AKAP6: variants seen among roughly 807,000 people sequenced by gnomAD.
AKAP6 encodes A-kinase anchoring protein 6.
Under a neutral mutation model 188.5 loss-of-function variants are expected in AKAP6, and 58 were observed. The observed-to-expected ratio is 0.31, with a 90% CI of 0.25 to 0.38. The LOEUF (loss-of-function observed/expected upper bound fraction) is 0.38, where lower values mean the gene tolerates loss of function less well. Among genes scored for constraint, AKAP6 ranks in the 10% least tolerant of loss-of-function variants. The pLI, the probability that AKAP6 is intolerant of heterozygous loss-of-function variation, is 1.00. For missense variants in AKAP6, 2,710 were observed against 2,740.0 expected, an observed-to-expected ratio of 0.99 and a Z score of 0.24; for synonymous variants, 989 against 998.6, an observed-to-expected ratio of 0.99 and a Z score of 0.18.
In AKAP6 at chr14:32,735,528, C is replaced by A. The variant is rs1594894164; in HGVS notation, c.3148-130C>A. On this transcript the variant is annotated intron_variant, in intron 10 of 13. Transcript: ENST00000280979. ...GGTATAGATGGACTCTTCCAGGTGG[C>A]TCTCGTTACCAACAAAACTGTGGTG... The A allele has an allele frequency of 3.6e-5, 23 of 646,306 alleles. No homozygotes were observed. The East Asian group carries it at 6.3e-4, about 18-fold the overall frequency. The allele number at this position is 646,306 out of a possible 1,614,324, so 40.0% of individuals were successfully genotyped here. A position where few individuals can be genotyped will look rare whatever the true frequency, so the allele number is the denominator to read the frequency against.
At chr14:32,791,724 G>C (rs1007703772) in intron 12 of AKAP6, among the ~76,000 whole-genome samples, 9 of 152,116 alleles carry the variant, frequency 5.9e-5, no homozygotes, top group African/African-American at 1.9e-4. Context: ...ATATTGCCTA[G>C]GTTTTCTTCT....
At chr14:32,773,559 C>T in intron 11 of AKAP6, 119 bp from the exon 12 acceptor site, 1 of 946,862 alleles carries the variant, frequency 1.1e-6, no homozygotes, top group Middle Eastern at 2.2e-4. Flanking sequence ...TCTTCTTGTC[C>T]TATTGTTGGT....
intron 2 of AKAP6, among the ~76,000 whole-genome samples, chr14:32,451,670 A>G (rs1890937541): frequency 6.6e-6 from 1 of 152,196 alleles, no homozygotes; most frequent in Non-Finnish European, 1.5e-5. Flanking sequence ...TTTTTATTAT[A>G]AAATAACACA....
At chr14:32,800,059 C>CTATATA (rs1305584690) in intron 12 of AKAP6, among the ~76,000 whole-genome samples, 21 of 111,372 alleles carry the variant, frequency 1.9e-4, no homozygotes, top group African/African-American at 2.9e-4. Flanking sequence ...CTCTCTCTCT[C>CTATATA]TCTATATATA....
intron 1 of AKAP6, among the ~76,000 whole-genome samples, chr14:32,409,959 G>A (rs1014500693): frequency 6.6e-6 from 1 of 152,062 alleles, no homozygotes; most frequent in East Asian, 1.9e-4. Context: ...TCTCATCAGA[G>A]GGGTTTTATT....
intron 2 of AKAP6, among the ~76,000 whole-genome samples, chr14:32,485,470 A>G (rs562787018): frequency 3.3e-5 from 5 of 152,276 alleles, no homozygotes; most frequent in South Asian, 4.1e-4. Context: ...CCTCACCAGC[A>G]TCTGTTGTTT....
chr14:32,663,622 G>A (rs909136351), intron 7 of AKAP6, among the ~76,000 whole-genome samples: 10 of 152,214 alleles, frequency 6.6e-5, no homozygotes, highest in African/African-American at 2.2e-4. Context: ...AAGAAACAAC[G>A]TGTCCAAGGT....
Position 32,387,636 on chromosome 14 carries a change from G to A in AKAP6, c.-34-45824G>A, listed in dbSNP as rs147226105. On this transcript the variant is annotated intron_variant, in intron 1 of 13. Coordinates refer to ENST00000280979, the MANE Select transcript of AKAP6 (RefSeq NM_004274.5). The stretch of plus-strand genomic sequence containing the variant: ...TTGTTTTTAATTCTGTTTATGTGGT[G>A]TATCACATTTATTGACTTGCATATG... Among the ~76,000 whole-genome samples the A allele has an allele frequency of 3.6e-3, 546 of 151,590 alleles. 3 individuals are homozygous for A. Among genetic ancestry groups the A allele is most frequent in the African/African-American group, 0.012 (488 of 41,454 alleles).
At chr14:32,729,400 G>A (rs959984529) in intron 9 of AKAP6, among the ~76,000 whole-genome samples, 2 of 152,030 alleles carry the variant, frequency 1.3e-5, no homozygotes, top group Admixed American at 1.3e-4. Context: ...GTTTTTGCTG[G>A]CTTTGTTTTA....
At chr14:32,686,107 A>G (rs1285306943) in intron 8 of AKAP6, among the ~76,000 whole-genome samples, 1 of 152,260 alleles carries the variant, frequency 6.6e-6, no homozygotes, top group Non-Finnish European at 1.5e-5. Flanking sequence ...CTATTCAGCC[A>G]TAAAAAAGAA....
chr14:32,483,619 G>C (rs1879488053), intron 2 of AKAP6, among the ~76,000 whole-genome samples: 1 of 151,954 alleles, frequency 6.6e-6, no homozygotes. Flanking sequence ...TGAGTAGCTG[G>C]GATTACAGGC....
intron 1 of AKAP6, among the ~76,000 whole-genome samples, chr14:32,357,330 A>G (rs1887516737): frequency 6.6e-6 from 1 of 152,218 alleles, no homozygotes; most frequent in Non-Finnish European, 1.5e-5. Context: ...TGCAGGGAAA[A>G]TGAAAATGTA....
chr14:32,377,188 T>C (rs1888183317), intron 1 of AKAP6, among the ~76,000 whole-genome samples: 1 of 152,230 alleles, frequency 6.6e-6, no homozygotes, highest in African/African-American at 2.4e-5. Flanking sequence ...CCTAACTAAA[T>C]CAGTGCCTAT....
intron 12 of AKAP6, among the ~76,000 whole-genome samples, chr14:32,786,350 A>C (rs1210069857): frequency 9.8e-6 from 1 of 102,104 alleles, no homozygotes; most frequent in Non-Finnish European, 1.9e-5. Context: ...CTCTGTCGCC[A>C]AGGCTGGAGT....
intron 2 of AKAP6, among the ~76,000 whole-genome samples, chr14:32,468,437 C>A (rs1344997226): frequency 2.6e-5 from 4 of 152,092 alleles, no homozygotes; most frequent in Non-Finnish European, 4.4e-5. Flanking sequence ...GGTTAGCCCA[C>A]CTCTGTAAGT....
chr14:32,822,802 C>T lies in AKAP6; in HGVS notation c.4989C>T (p.Ser1663=). The T allele has an allele frequency of 1.9e-6, 3 of 1,613,912 alleles. No individual in the cohort carries two copies. The highest frequency in any genetic ancestry group is 2.2e-5 in the South Asian group (2 of 91,072). ...SVSDITLQSS[S]QKMSFTGQMS... ...CTGATATCACTCTTCAAAGCAGTTC[C>T]CAAAAGATGTCCTTTACTGGCCAGA... is the stretch of plus-strand genomic sequence containing the variant. The change falls in exon 13 of 14, where the codon TCC becomes TCT. Residue 1663 remains serine (S), a synonymous_variant. Coordinates refer to ENST00000280979, the MANE Select transcript of AKAP6 (RefSeq NM_004274.5).
chr14:32,754,259 T>C (rs995858759), intron 11 of AKAP6, among the ~76,000 whole-genome samples: 1 of 152,078 alleles, frequency 6.6e-6, no homozygotes, highest in Non-Finnish European at 1.5e-5. Context: ...AAAATGACCA[T>C]CTTTGTCTCT....
intron 1 of AKAP6, among the ~76,000 whole-genome samples, chr14:32,383,178 C>T (rs1394871857): frequency 6.7e-6 from 1 of 149,956 alleles, no homozygotes; most frequent in Non-Finnish European, 1.5e-5. Context: ...GATGAAACTA[C>T]TTCAAAATAT....
chr14:32,732,510 G>C lies in AKAP6; in HGVS notation c.3057G>C (p.Lys1019Asn), dbSNP rs548580354. The C allele has an allele frequency of 6.5e-4, 1,053 of 1,613,486 alleles. 14 individuals carry two copies. In the South Asian group the frequency reaches 0.011, roughly 17 times the overall value. Residue 1019 changes from lysine to asparagine, a missense_variant, in exon 10 of 14, where the codon AAG (lysine) becomes AAC (asparagine). By Grantham distance (94) the Lys-to-Asn change is moderately conservative. This residue lies in a region of AKAP6 where 2,473 missense variants were observed against 2,426.1 expected (regional missense o/e 1.02). Coordinates refer to ENST00000280979, the MANE Select transcript of AKAP6 (RefSeq NM_004274.5). ...TGAAAAAGACGGAGCTGCTTAGTAA[G>C]GTTGAAGCTTTGAAGAAAGGTGGCG... ...RHLKKTELLS[K>N]VEALKKGGVL...
Sources: allele counts gnomAD v4.1 joint callset (sites outside exome capture counted in the v4.1 genomes callset), GRCh38; gene constraint gnomAD v4.1.1; regional missense constraint gnomAD v4.1.1; transcripts MANE v1.5; gene names NCBI Gene and HGNC (gene_info 2026-07-23, HGNC 2026-07-21).